Variants in DNAJC3 observed in about 807,000 individuals in gnomAD.
DNAJC3 encodes the protein DnaJ heat shock protein family (Hsp40) member C3.
DNAJC3 carries 38 observed loss-of-function variants against 68.6 expected under a neutral mutation model. The observed-to-expected ratio is 0.55, with a 90% CI of 0.43 to 0.73. The LOEUF is 0.73. Among genes scored for constraint, DNAJC3 ranks in the 30% least tolerant of loss-of-function variants. The pLI is 0.00. For missense variants in DNAJC3, 526 were observed against 591.9 expected (o/e 0.89, Z 1.16); for synonymous variants, 203 against 204.0 (o/e 1.00, Z 0.04).
intron 9 of DNAJC3, among the ~76,000 whole-genome samples, chr13:95,776,719 G>T (rs9561953): frequency 0.015 from 2,277 of 152,060 alleles, 61 homozygotes; most frequent in African/African-American, 0.052. Flanking sequence ...GGAAAATTTA[G>T]TGTACTTCCT....
intron 1 of DNAJC3, chr13:95,693,952 T>C (rs2139609000): frequency 6.6e-6 from 1 of 152,290 alleles, no homozygotes; most frequent in Non-Finnish European, 1.5e-5. Context: ...TATCCCCTCC[T>C]TTCTAACTCT....
chr13:95,789,403 T>C (rs1883698332), intron 11 of DNAJC3, among the ~76,000 whole-genome samples: 1 of 152,136 alleles, frequency 6.6e-6, no homozygotes, highest in South Asian at 2.1e-4. Flanking sequence ...GAATATGTGG[T>C]ATTTGGTTTT....
intron 2 of DNAJC3, among the ~76,000 whole-genome samples, chr13:95,716,104 G>T (rs1881136080): frequency 6.6e-6 from 1 of 152,144 alleles, no homozygotes. Flanking sequence ...GTTGCAGTGA[G>T]TTGAGATCAT....
At chr13:95,707,326 C>G (rs568309588) in intron 1 of DNAJC3, among the ~76,000 whole-genome samples, 2 of 152,150 alleles carry the variant, frequency 1.3e-5, no homozygotes, top group Non-Finnish European at 2.9e-5. Context: ...GGACCCTGCT[C>G]TAGTGCTCTC....
intron 3 of DNAJC3, 63 bp downstream of exon 3, chr13:95,723,429 T>G (rs1881409551): frequency 6.4e-7 from 1 of 1,561,218 alleles, no homozygotes; most frequent in East Asian, 2.3e-5. Context: ...GATAATTTGT[T>G]TCATAAGGTG....
chr13:95,683,037 AT>A (rs979498277), intron 1 of DNAJC3, among the ~76,000 whole-genome samples: 26 of 152,184 alleles, frequency 1.7e-4, no homozygotes, highest in African/African-American at 6.3e-4. Context: ...AAGCAGGCAA[AT>A]TGTGAAAAGC....
intron 1 of DNAJC3, among the ~76,000 whole-genome samples, chr13:95,688,965 T>TGC (rs1418067440): frequency 0.025 from 3,266 of 130,960 alleles, 81 homozygotes; most frequent in African/African-American, 0.057. Context: ...TGTGTGTGTG[T>TGC]GCGCGCTGTT....
intron 4 of DNAJC3, among the ~76,000 whole-genome samples, chr13:95,752,676 C>A (rs979399309): frequency 6.6e-6 from 1 of 152,118 alleles, no homozygotes; most frequent in African/African-American, 2.4e-5. Flanking sequence ...TAATAAAATG[C>A]ATTGGTTTAT....
At chr13:95,726,659 T>G (rs1881534898) in intron 4 of DNAJC3, among the ~76,000 whole-genome samples, 1 of 152,138 alleles carries the variant, frequency 6.6e-6, no homozygotes, top group South Asian at 2.1e-4. Flanking sequence ...AAAAAATGAT[T>G]TGGTTAGAGA....
At chr13:95,769,780 G>A (rs565560575) in intron 9 of DNAJC3, among the ~76,000 whole-genome samples, 92 of 152,278 alleles carry the variant, frequency 6.0e-4, no homozygotes, top group Non-Finnish European at 1.2e-3. Flanking sequence ...AAAAGTGTGT[G>A]GTTACAAGGA....
At chr13:95,730,015 A>G (rs898456817) in intron 4 of DNAJC3, among the ~76,000 whole-genome samples, 1 of 151,928 alleles carries the variant, frequency 6.6e-6, no homozygotes, top group African/African-American at 2.4e-5. Context: ...TACATTTTTG[A>G]GTTGGGGTCT....
intron 9 of DNAJC3, among the ~76,000 whole-genome samples, chr13:95,784,732 C>G (rs1883546394): frequency 1.3e-5 from 2 of 152,152 alleles, no homozygotes; most frequent in Admixed American, 6.5e-5. Context: ...TGTCAGCAAA[C>G]TTTTCTAAGG....
At chr13:95,782,043 G>A (rs1289241883) in intron 9 of DNAJC3, among the ~76,000 whole-genome samples, 2 of 152,166 alleles carry the variant, frequency 1.3e-5, no homozygotes, top group African/African-American at 4.8e-5. Context: ...TTATGAGTGA[G>A]AACATGCAGT....
chr13:95,729,623 C>T (rs2139647403), intron 4 of DNAJC3, among the ~76,000 whole-genome samples: 1 of 152,128 alleles, frequency 6.6e-6, no homozygotes, highest in Admixed American at 6.5e-5. Flanking sequence ...TACATTCCTG[C>T]CAACAGCGTA....
At position 95,787,069 on chromosome 13, in the gene DNAJC3, A is replaced by G. The variant is rs1883623795; in HGVS notation, c.1271A>G (p.Asp424Gly). 1.2e-6 allele frequency: 2 copies of G among 1,614,084 alleles called. No homozygotes were observed. The highest frequency in any genetic ancestry group is 1.7e-6 in the Non-Finnish European group (2 of 1,179,982). Residue 424 changes from aspartate to glycine, a missense_variant, in exon 11 of 12, where the codon GAT (aspartate) becomes GGT (glycine). Transcript: ENST00000602402. ...AAATTAGCACTGCAGTGGCACCCAG[A>G]TAACTTCCAGAATGAAGAAGAAAAG... ...YRKLALQWHP[D>G]NFQNEEEKKK... is the part of the protein sequence containing the mutation.
At chr13:95,723,504 C>T in intron 3 of DNAJC3, 138 bp downstream of exon 3, 1 of 924,598 alleles carries the variant, frequency 1.1e-6, no homozygotes. Context: ...GACTGAGGAA[C>T]AAGAGAAATT....
At chr13:95,743,979 T>G (rs1456284197) in intron 4 of DNAJC3, among the ~76,000 whole-genome samples, 4 of 152,218 alleles carry the variant, frequency 2.6e-5, no homozygotes, top group African/African-American at 9.6e-5. Context: ...CATTTTAGAA[T>G]AAACTTGTCT....
chr13:95,726,918 A>G (rs1036138229), intron 4 of DNAJC3, among the ~76,000 whole-genome samples: 1 of 152,230 alleles, frequency 6.6e-6, no homozygotes, highest in African/African-American at 2.4e-5. Context: ...ATCCAAAAAC[A>G]TTAGATTTAA....
chr13:95,681,092 G>T (rs189409487), intron 1 of DNAJC3, among the ~76,000 whole-genome samples: 1 of 152,114 alleles, frequency 6.6e-6, no homozygotes, highest in Non-Finnish European at 1.5e-5. Flanking sequence ...ACCACTTAGG[G>T]TTTAAGACAT....
Sources: gnomAD v4.1 joint callset for allele counts (sites outside exome capture counted in the v4.1 genomes callset) on GRCh38, gnomAD v4.1.1 for gene constraint, MANE v1.5 for transcripts, NCBI Gene and HGNC (gene_info 2026-07-23, HGNC 2026-07-21) for gene names.